The following FGGY variants were observed in gnomAD, a reference collection of about 807,000 sequenced individuals.
The protein encoded by FGGY is FGGY carbohydrate kinase domain-containing protein.
In FGGY, 72 loss-of-function variants were observed where a neutral mutation model predicts 71.3. The observed-to-expected ratio is 1.01, with a 90% confidence interval of 0.84 to 1.23. The LOEUF is 1.23. Ranked by LOEUF, FGGY falls within the 50% of genes most tolerant of loss-of-function variation. FGGY has a pLI of 0.00. For synonymous variants in FGGY, 251 were observed against 250.3 expected (o/e 1.00, Z -0.02); for missense variants, 668 against 682.3 (o/e 0.98, Z 0.23).
intron 4 of FGGY, among the ~76,000 whole-genome samples, chr1:59,364,294 C>T (rs1451661156): frequency 1.3e-5 from 2 of 152,200 alleles, no homozygotes; most frequent in Non-Finnish European, 2.9e-5. Flanking sequence ...TAAAATGAAA[C>T]TTCTCCAAAG....
chr1:59,456,937 T>C (rs2091762152), intron 5 of FGGY, 24 bp from the exon 6 acceptor site: 1 of 1,556,076 alleles, frequency 6.4e-7, no homozygotes, highest in African/African-American at 1.4e-5. Context: ...GTCAGTTCTA[T>C]CTATATCTCT....
chr1:59,579,618 G>A (rs2407603), intron 8 of FGGY, among the ~76,000 whole-genome samples: 22,861 of 151,992 alleles, frequency 0.15, 2,147 homozygotes, highest in South Asian at 0.3. Context: ...TTGTGCTCCA[G>A]TAAATGCTGT....
chr1:59,379,504 A>C (rs751585110), intron 5 of FGGY, among the ~76,000 whole-genome samples: 3 of 152,190 alleles, frequency 2.0e-5, no homozygotes, highest in Admixed American at 6.5e-5. Context: ...ACAATGAATG[A>C]AACTTGCAGG....
chr1:59,682,254 A>G (rs2097507699), intron 14 of FGGY, among the ~76,000 whole-genome samples: 1 of 152,236 alleles, frequency 6.6e-6, no homozygotes, highest in South Asian at 2.1e-4. Context: ...TGTTCAGCTC[A>G]GCCACAAGTG....
chr1:59,645,092 CT>C (rs778056540), intron 11 of FGGY, among the ~76,000 whole-genome samples: 12 of 152,248 alleles, frequency 7.9e-5, no homozygotes, highest in Non-Finnish European at 1.5e-4. Flanking sequence ...GTTTTTACCA[CT>C]GCAAAGCAGT....
intron 11 of FGGY, among the ~76,000 whole-genome samples, chr1:59,645,347 C>T (rs1021289792): frequency 2.0e-5 from 3 of 152,086 alleles, no homozygotes; most frequent in Non-Finnish European, 2.9e-5. Context: ...TGCATCTTTA[C>T]GAGATGGCCA....
At chr1:59,656,262 T>G (rs1299158314) in intron 11 of FGGY, among the ~76,000 whole-genome samples, 1 of 152,194 alleles carries the variant, frequency 6.6e-6, no homozygotes, top group African/African-American at 2.4e-5. Flanking sequence ...ATGCTTCCTC[T>G]CCACTTCCTC....
At chr1:59,610,608 C>T (rs1468264505) in intron 9 of FGGY, among the ~76,000 whole-genome samples, 3 of 152,222 alleles carry the variant, frequency 2.0e-5, no homozygotes, top group Non-Finnish European at 4.4e-5. Context: ...CCAGTGATTT[C>T]TGCATTTCCA....
chr1:59,623,389 C>T (rs1212788493), intron 9 of FGGY, among the ~76,000 whole-genome samples: 1 of 152,144 alleles, frequency 6.6e-6, no homozygotes, highest in Non-Finnish European at 1.5e-5. Context: ...ATTTAACCTA[C>T]AGTAATCCTA....
intron 7 of FGGY, among the ~76,000 whole-genome samples, chr1:59,514,234 G>C (rs1321603321): frequency 6.6e-6 from 1 of 152,164 alleles, no homozygotes; most frequent in Non-Finnish European, 1.5e-5. Context: ...TATCCCTGGG[G>C]TGACAGTGTC....
chr1:59,401,887 G>A (rs1161354162), intron 5 of FGGY, among the ~76,000 whole-genome samples: 1 of 152,204 alleles, frequency 6.6e-6, no homozygotes, highest in African/African-American at 2.4e-5. Flanking sequence ...GAGGAGGAAG[G>A]AATGGGGGAG....
chr1:59,576,673 G>GACACACAC (rs757918588), intron 8 of FGGY, among the ~76,000 whole-genome samples: 138 of 132,394 alleles, frequency 1.0e-3, no homozygotes, highest in African/African-American at 2.7e-3. Context: ...CAGACAGACA[G>GACACACAC]ACAGACACAC....
chr1:59,457,891 T>A (rs1168681765), intron 6 of FGGY, among the ~76,000 whole-genome samples: 1 of 152,170 alleles, frequency 6.6e-6, no homozygotes, highest in Non-Finnish European at 1.5e-5. Context: ...TTTATGTGGG[T>A]GGTAAAGTAC....
At chr1:59,595,147 T>C (rs978355481) in intron 8 of FGGY, among the ~76,000 whole-genome samples, 3 of 152,118 alleles carry the variant, frequency 2.0e-5, no homozygotes, top group Non-Finnish European at 4.4e-5. Context: ...TGTAGGACAA[T>C]GAGCAAGGCT....
chr1:59,320,968 C>T (rs979032858), intron 1 of FGGY, among the ~76,000 whole-genome samples: 5 of 152,158 alleles, frequency 3.3e-5, no homozygotes, highest in Non-Finnish European at 7.4e-5. Context: ...CAAAAAGTTA[C>T]TTATCTCTTG....
At chr1:59,349,673 G>A (rs1557635619) in intron 4 of FGGY, among the ~76,000 whole-genome samples, 1 of 152,108 alleles carries the variant, frequency 6.6e-6, no homozygotes, top group African/African-American at 2.4e-5. Context: ...CTAGTGTGGG[G>A]TGTGTTTTGG....
intron 6 of FGGY, among the ~76,000 whole-genome samples, chr1:59,508,290 C>T (rs2094442803): frequency 6.6e-6 from 1 of 152,162 alleles, no homozygotes; most frequent in Admixed American, 6.5e-5. Flanking sequence ...CAATATGAGA[C>T]CTCAGCACCT....
chr1:59,494,013 C>G (rs1205399311), intron 6 of FGGY, among the ~76,000 whole-genome samples: 1 of 152,070 alleles, frequency 6.6e-6, no homozygotes, highest in African/African-American at 2.4e-5. Flanking sequence ...TCATTGGCAG[C>G]CTAGGGTTTG....
chr1:59,655,853 A>G (rs1225329693), intron 11 of FGGY, among the ~76,000 whole-genome samples: 1 of 152,198 alleles, frequency 6.6e-6, no homozygotes, highest in Non-Finnish European at 1.5e-5. Flanking sequence ...GAGCTCATAG[A>G]TGTTACAAAA....
Sources: allele counts gnomAD v4.1 joint callset (sites outside exome capture counted in the v4.1 genomes callset), GRCh38; gene constraint gnomAD v4.1.1; transcripts MANE v1.5; gene names NCBI Gene and HGNC (gene_info 2026-07-23, HGNC 2026-07-21).